Variants in MESD observed in about 807,000 individuals in gnomAD.
The protein encoded by MESD is LRP chaperone MESD.
MESD carries 7 observed loss-of-function variants against 12.9 expected under a neutral mutation model. That is an observed-to-expected ratio of 0.54 (90% CI 0.31 to 1.02). The LOEUF (loss-of-function observed/expected upper bound fraction) is 1.02, where lower values mean the gene tolerates loss of function less well. MESD is among the 50% of genes least tolerant of loss of function. The pLI is 0.05. For synonymous variants in MESD, 126 were observed against 115.6 expected (o/e 1.09, Z -0.58); for missense variants, 342 against 296.7 (o/e 1.15, Z -1.12).
chr15:80,988,297 G>A (rs958764672), intron 1 of MESD, among the ~76,000 whole-genome samples: 3 of 152,208 alleles, frequency 2.0e-5, no homozygotes, highest in African/African-American at 4.8e-5. Context: ...ATGAGATAAT[G>A]TGTTTTTCTT....
intron 3 of MESD, among the ~76,000 whole-genome samples, chr15:80,958,728 A>G (rs975375215): frequency 6.6e-6 from 1 of 152,142 alleles, no homozygotes; most frequent in Non-Finnish European, 1.5e-5. Context: ...CAGTATAAAC[A>G]ATCTGCAGAG....
chr15:80,985,960 C>T (rs1042358464), intron 1 of MESD, among the ~76,000 whole-genome samples: 8 of 152,046 alleles, frequency 5.3e-5, no homozygotes, highest in African/African-American at 1.7e-4. Flanking sequence ...CAGTCCAGCA[C>T]TTCTTTGTTA....
In MESD at chr15:80,989,737, G is replaced by C. The variant is rs749191367; in HGVS notation, c.55C>G (p.Leu19Val). 257 of 1,604,874 alleles carry C rather than the reference G, an allele frequency of 1.6e-4. 2 individuals are homozygous for C. The South Asian group carries it at 2.4e-3, about 15-fold the overall frequency. The change falls in exon 1 of 3, where the codon CTG becomes GTG. Residue 19 changes from leucine (L) to valine (V), a missense_variant. Transcript: ENST00000261758. Reference protein sequence around the residue: ...KAVVLLCASDLLLLLLLLPPP... With the variant: ...KAVVLLCASDVLLLLLLLPPP... ...GGTAGCAGTAGCAGCAGCAGCAGCA[G>C]GTCAGAGGCACAAAGCAGGACCACG...
At position 80,982,124 on chromosome 15, in the gene MESD, A is replaced by G; in HGVS notation, c.272T>C (p.Val91Ala). ...LPEHKRPSAP[V>A]DFSKIDPSKP... is the part of the protein sequence containing the mutation. The stretch of plus-strand genomic sequence containing the variant: ...GCTTGGGTCTATCTTTGAGAAGTCG[A>G]CAGGTGCTGAAGGTCTCTTGTGCTC... The change falls in exon 2 of 3, where the codon GTC becomes GCC. Residue 91 changes from valine to alanine, a missense_variant. Val to Ala is a moderately conservative substitution (Grantham distance 64). Transcript: ENST00000261758. The G allele has an allele frequency of 1.2e-6, 2 of 1,614,120 alleles. No homozygotes were observed. The highest frequency in any genetic ancestry group is 1.7e-6 in the Non-Finnish European group (2 of 1,180,026).
At chr15:80,955,329 CAA>C (rs796808569) in intron 3 of MESD, among the ~76,000 whole-genome samples, 2 of 126,592 alleles carry the variant, frequency 1.6e-5, no homozygotes, top group Non-Finnish European at 1.7e-5. Flanking sequence ...ACTAAAAATA[CAA>C]AAAAAAAAAA....
At chr15:80,963,717 A>G (rs948951405) in intron 3 of MESD, among the ~76,000 whole-genome samples, 11 of 152,216 alleles carry the variant, frequency 7.2e-5, no homozygotes, top group African/African-American at 2.7e-4. Flanking sequence ...AAACAGAACC[A>G]ACGACAAAAA....
chr15:80,981,992 A>C lies in MESD; in HGVS notation c.404T>G (p.Leu135Arg). The change falls in exon 2 of 3, where the codon CTC (leucine) becomes CGC (arginine). Residue 135 changes from leucine to arginine, a missense_variant. By Grantham distance (102) the Leu-to-Arg change is moderately radical (BLOSUM62 -2). Transcript: ENST00000261758. The stretch of plus-strand genomic sequence containing the variant: ...GGCATTGAAAAGGCTGCCCTGCCAG[A>C]GGCTCGTAATTTCCTCTGTCTCCTT... ...TEKETEEITS[L>R]WQGSLFNANY... The C allele has an allele frequency of 3.1e-6, 5 of 1,614,192 alleles. No homozygotes were observed. Among genetic ancestry groups the C allele is most frequent in the Middle Eastern group, 1.6e-4 (1 of 6,062 alleles).
rs745973759 is a variant in MESD at position 80,952,969 on chromosome 15, G to C, written c.*289-673C>G. 189 of 455,938 alleles carry C rather than the reference G, an allele frequency of 4.1e-4. 1 individual carries two copies. Among genetic ancestry groups the C allele is most frequent in the Non-Finnish European group, 7.4e-4 (168 of 226,818 alleles). 28.2% of individuals were successfully genotyped at this position (455,938 alleles called of 1,614,324 possible). A position where few individuals can be genotyped will look rare whatever the true frequency, so the allele number is the denominator to read the frequency against. On this transcript the variant is annotated intron_variant, in intron 3 of 4. Transcript: ENST00000561312. The stretch of plus-strand genomic sequence containing the variant: ...ATGAGTGGTGTGGCAGGCTTCTGAG[G>C]GCAGGGAGTGATCATCGCCTGGATT...
downstream of MESD, among the ~76,000 whole-genome samples, chr15:80,974,070 C>G (rs552445422): frequency 3.3e-5 from 5 of 152,142 alleles, no homozygotes; most frequent in East Asian, 3.9e-4. Context: ...TTCCCCCCCC[C>G]ACTGGGGAGA....
intron 1 of MESD, among the ~76,000 whole-genome samples, chr15:80,987,506 T>TG (rs1596239818): frequency 6.8e-6 from 1 of 146,800 alleles, no homozygotes; most frequent in Admixed American, 6.8e-5. Flanking sequence ...TTTTTTTTTT[T>TG]GAGACAGAGT....
At position 80,989,818 on chromosome 15, in the gene MESD, A is replaced by G. The variant is rs563525164; in HGVS notation, c.-27T>C. ...TTCGCTGCGCCGCGCAGCGCCCTAG[A>G]CGCGCTTACCCGACCTGCGCGGGCC... On this transcript the variant is annotated 5_prime_UTR_variant, in exon 1 of 3. Transcript: ENST00000261758. 4 of 1,539,960 alleles carry G rather than the reference A, an allele frequency of 2.6e-6. No individual in the cohort carries two copies. The highest frequency in any genetic ancestry group is 3.9e-5 in the Admixed American group (2 of 51,472).
At chr15:80,989,542 CA>C in intron 1 of MESD, 36 bp downstream of exon 1, 1 of 1,598,650 alleles carries the variant, frequency 6.3e-7, no homozygotes, top group Non-Finnish European at 8.5e-7. Flanking sequence ...GGGTCCCGCA[CA>C]GAGAAGAGCC....
downstream of MESD, among the ~76,000 whole-genome samples, chr15:80,974,141 G>A (rs1386189054): frequency 1.3e-5 from 2 of 152,198 alleles, no homozygotes; most frequent in African/African-American, 4.8e-5. Flanking sequence ...CTGTCAAGCA[G>A]AGCCACACAC....
At chr15:80,972,345 T>C (rs1054447279), downstream of MESD, among the ~76,000 whole-genome samples, 12 of 152,236 alleles carry the variant, frequency 7.9e-5, no homozygotes, top group Non-Finnish European at 1.5e-4. Flanking sequence ...GCTGCTGCAC[T>C]ATTAATGCCT....
At chr15:80,970,042 T>TA (rs927585261) in intron 3 of MESD, among the ~76,000 whole-genome samples, 1 of 152,204 alleles carries the variant, frequency 6.6e-6, no homozygotes, top group Admixed American at 6.5e-5. Flanking sequence ...ATGGATAAGA[T>TA]AATCCCTTGG....
At chr15:80,989,252 A>G (rs901251412) in intron 1 of MESD, among the ~76,000 whole-genome samples, 2 of 152,208 alleles carry the variant, frequency 1.3e-5, no homozygotes, top group African/African-American at 2.4e-5. Flanking sequence ...GACCACAAGA[A>G]TCAACGCAAA....
At chr15:80,985,306 C>T (rs1902698979) in intron 1 of MESD, among the ~76,000 whole-genome samples, 2 of 152,182 alleles carry the variant, frequency 1.3e-5, no homozygotes, top group African/African-American at 2.4e-5. Flanking sequence ...ACAGCTTCTC[C>T]CTCCTAAGGT....
intron 1 of MESD, among the ~76,000 whole-genome samples, chr15:80,988,182 T>TTGCTG (rs1902785633): frequency 1.3e-5 from 2 of 152,230 alleles, no homozygotes; most frequent in African/African-American, 4.8e-5. Context: ...CTCAGCTAGC[T>TTGCTG]TGCTGTGCGA....
At chr15:80,947,123 G>C, downstream of MESD, 2 of 1,095,526 alleles carry the variant, frequency 1.8e-6, no homozygotes, top group South Asian at 2.6e-5. Context: ...CAAATGCCTG[G>C]CATGGAGGGT....
Sources: gnomAD v4.1 joint callset for allele counts (sites outside exome capture counted in the v4.1 genomes callset) on GRCh38, gnomAD v4.1.1 for gene constraint, MANE v1.5 for transcripts, NCBI Gene and HGNC (gene_info 2026-07-23, HGNC 2026-07-21) for gene names.